IRX1: variants seen among roughly 807,000 people sequenced by gnomAD.
The protein encoded by IRX1 is iroquois homeobox 1.
Under a neutral mutation model 34.1 loss-of-function variants are expected in IRX1, and 22 were observed. The observed-to-expected ratio is 0.64, with a 90% confidence interval of 0.46 to 0.92. The LOEUF (loss-of-function observed/expected upper bound fraction) is 0.92. Ranked by LOEUF, IRX1 falls within the 40% of genes least tolerant of loss-of-function variation. The pLI, the probability that IRX1 is intolerant of heterozygous loss-of-function variation, is 0.00. For missense variants in IRX1, 758 were observed against 680.0 expected (o/e 1.11, Z -1.28); for synonymous variants, 363 against 319.0 (o/e 1.14, Z -1.47).
At position 3,595,978 on chromosome 5, in the gene IRX1, G is replaced by T. The variant is rs989886681; in HGVS notation, c.-128G>T. ...TCCATCTCCCGGCCCGCCCGAGCGC[G>T]CCCGGCCGGCCGCCCGCTCCTCCCT... On this transcript the variant is annotated 5_prime_UTR_variant, in exon 1 of 4. Coordinates refer to ENST00000302006, the MANE Select transcript of IRX1 (RefSeq NM_024337.4). 4 of 492,392 alleles carry T rather than the reference G, an allele frequency of 8.1e-6. No individual in the cohort carries two copies. Among genetic ancestry groups the T allele is most frequent in the Non-Finnish European group, 1.1e-5 (4 of 377,914 alleles). 30.5% of individuals were successfully genotyped at this position (492,392 alleles called of 1,614,324 possible).
chr5:3,599,746 C>T lies in IRX1; in HGVS notation c.798C>T (p.Gly266=), dbSNP rs777020388. ...CTTCTGCTCTTGCCCGGGACCAAGG[C>T]TCGCCGCTGGCAGCAGCCGACGTTC... The part of the protein sequence containing the change: ...AAPSALARDQ[G]SPLAAADVLK... Residue 266 remains glycine (G), a synonymous_variant, in exon 2 of 4, where the codon GGC becomes GGT. Coordinates refer to ENST00000302006, the MANE Select transcript of IRX1 (RefSeq NM_024337.4). This position sits in a 1 kb window ranked among gnomAD's most constrained non-coding sequence, Gnocchi z 6.6. The T allele has an allele frequency of 1.2e-6, 2 of 1,611,034 alleles. No individual in the cohort carries two copies. The highest frequency in any genetic ancestry group is 1.7e-5 in the Admixed American group (1 of 59,906).
intron 3 of IRX1, 25 bp from the exon 4 acceptor site, chr5:3,600,958 T>G (rs777816930): frequency 6.2e-7 from 1 of 1,612,702 alleles, no homozygotes; most frequent in South Asian, 1.1e-5. Flanking sequence ...CCCTGTCTTC[T>G]TGTCTCGCTG....
chr5:3,598,552 T>A (rs1458570987), intron 1 of IRX1, among the ~76,000 whole-genome samples: 1 of 152,208 alleles, frequency 6.6e-6, no homozygotes, highest in Non-Finnish European at 1.5e-5. Context: ...TTGTTGTCGA[T>A]GATGGCCGGG....
At chr5:3,600,773 T>A in intron 3 of IRX1, 92 bp downstream of exon 3, 3 of 1,275,212 alleles carry the variant, frequency 2.4e-6, no homozygotes, top group Non-Finnish European at 3.4e-6. Flanking sequence ...TGGGTGGCGG[T>A]GGGGGTCGCG....
In IRX1 at chr5:3,599,139, T is replaced by C. The variant is rs1733872467; in HGVS notation, c.277-86T>C. On this transcript the variant is annotated intron_variant, in intron 1 of 3. Coordinates refer to ENST00000302006, the MANE Select transcript of IRX1 (RefSeq NM_024337.4). The surrounding 1 kb of genome is among the most constrained non-coding windows in gnomAD (Gnocchi z 6.6). The stretch of plus-strand genomic sequence containing the variant: ...GCGGCTGCTTCCCACTCTCCCGTCT[T>C]GGGGACTCATGTCTCTCTCTCTCTC... 1.9e-5 allele frequency: 26 copies of C among 1,381,602 alleles called. 1 individual carries two copies. The South Asian group carries it at 3.4e-4, about 18-fold the overall frequency. The allele number at this position is 1,381,602 out of a possible 1,614,324, so 85.6% of individuals were successfully genotyped here. A position where few individuals can be genotyped will look rare whatever the true frequency, so the allele number is the denominator to read the frequency against.
At position 3,600,173 on chromosome 5, in the gene IRX1, C is replaced by A. The variant is rs770023087; in HGVS notation, c.1225C>A (p.Pro409Thr). The part of the protein sequence containing the change: ...AAPHGPHLPA[P>T]PPPQPPVAIA... ...GCCCCATGGCCCTCACCTTCCTGCACCTCCACCACCGCAGCCGCCGGTCGC... is the reference window on the plus strand; with the variant it reads ...GCCCCATGGCCCTCACCTTCCTGCAACTCCACCACCGCAGCCGCCGGTCGC... The change falls in exon 2 of 4, where the codon CCT becomes ACT. Residue 409 changes from proline to threonine, a missense_variant. Coordinates refer to ENST00000302006, the MANE Select transcript of IRX1 (RefSeq NM_024337.4). 6 of 1,612,598 alleles carry A rather than the reference C, an allele frequency of 3.7e-6. No homozygotes were observed. The highest frequency in any genetic ancestry group is 1.7e-4 in the Middle Eastern group (1 of 6,060).
At chr5:3,598,674 C>A (rs986128638) in intron 1 of IRX1, among the ~76,000 whole-genome samples, 3 of 152,120 alleles carry the variant, frequency 2.0e-5, no homozygotes, top group Non-Finnish European at 4.4e-5. Context: ...AAATTGCTGG[C>A]GGATTTAGAC....
In IRX1 at chr5:3,601,002, G is replaced by A. The variant is rs1033391089; in HGVS notation, c.1405G>A (p.Gly469Arg). 3.1e-6 allele frequency: 5 copies of A among 1,613,152 alleles called. No homozygotes were observed. In the Admixed American group the frequency reaches 6.7e-5, roughly 22 times the overall value. Residue 469 changes from glycine to arginine, a missense_variant, in exon 4 of 4, where the codon GGA becomes AGA. Gly to Arg is a moderately radical substitution (Grantham distance 125). Coordinates refer to ENST00000302006, the MANE Select transcript of IRX1 (RefSeq NM_024337.4). ...VRDNSLAPQE[G>R]TPRILAALPS... is the part of the protein sequence containing the mutation. Reference sequence around the variant, plus strand: ...ATGCAGCTCTCTGGCCCCGCAGGAGGGAACGCCGCGGATCCTAGCAGCCCT... The same window carrying A: ...ATGCAGCTCTCTGGCCCCGCAGGAGAGAACGCCGCGGATCCTAGCAGCCCT...
Position 3,600,088 on chromosome 5 carries a change from C to A in IRX1, c.1140C>A (p.Leu380=). 1 of 1,613,000 alleles carries A rather than the reference C, an allele frequency of 6.2e-7. No individual in the cohort carries two copies. Among genetic ancestry groups the A allele is most frequent in the Non-Finnish European group, 8.5e-7 (1 of 1,179,724 alleles). ...CCAACTGGACCAACAGCGCATTCCTCGCACAGGGCTCCCTGCTCAACATGC... is the reference window on the plus strand; with the variant it reads ...CCAACTGGACCAACAGCGCATTCCTAGCACAGGGCTCCCTGCTCAACATGC... ...KFSNWTNSAF[L]AQGSLLNMRS... Residue 380 remains leucine (L), a synonymous_variant, in exon 2 of 4, where the codon CTC becomes CTA. Coordinates refer to ENST00000302006, the MANE Select transcript of IRX1 (RefSeq NM_024337.4).
At position 3,599,527 on chromosome 5, in the gene IRX1, G is replaced by C; in HGVS notation, c.579G>C (p.Trp193Cys). ...RRLKKENKVT[W>C]GARSKDQEDG... Reference sequence around the variant, plus strand: ...TCAAGAAGGAGAACAAGGTGACATGGGGAGCGCGCAGCAAGGACCAGGAAG... The same window carrying C: ...TCAAGAAGGAGAACAAGGTGACATGCGGAGCGCGCAGCAAGGACCAGGAAG... The change falls in exon 2 of 4, where the codon TGG becomes TGC. Residue 193 changes from tryptophan to cysteine, a missense_variant. Trp to Cys is a radical substitution (Grantham distance 215). Coordinates refer to ENST00000302006, the MANE Select transcript of IRX1 (RefSeq NM_024337.4). The surrounding 1 kb of genome is among the most constrained non-coding windows in gnomAD (Gnocchi z 6.6). 2 of 1,614,190 alleles carry C rather than the reference G, an allele frequency of 1.2e-6. No individual in the cohort carries two copies. Among genetic ancestry groups the C allele is most frequent in the Non-Finnish European group, 1.7e-6 (2 of 1,180,028 alleles).
chr5:3,599,906 GC>G lies in IRX1; in HGVS notation c.959del (p.Ala320GlyfsTer133). 1 of 1,475,226 alleles carries G rather than the reference GC, an allele frequency of 6.8e-7. No homozygotes were observed. The highest frequency in any genetic ancestry group is 9.0e-7 in the Non-Finnish European group (1 of 1,113,438). 91.4% of individuals were successfully genotyped at this position (1,475,226 alleles called of 1,614,324 possible). On this transcript the variant is annotated frameshift_variant, in exon 2 of 4. Transcript: ENST00000302006. LOFTEE classifies it high-confidence loss of function. The surrounding 1 kb of genome is among the most constrained non-coding windows in gnomAD (Gnocchi z 6.6). ...PHGKPKIWSL[A>X]ETATSPDGAP... is the part of the protein sequence containing the mutation. ...CGGCAAGCCCAAGATCTGGTCGCTG[GC>G]GGAGACAGCCACGAGCCCCGACGGT...
intron 1 of IRX1, among the ~76,000 whole-genome samples, chr5:3,598,024 A>C (rs538241471): frequency 2.0e-5 from 3 of 152,104 alleles, no homozygotes; most frequent in Admixed American, 1.3e-4. Flanking sequence ...TGTTTTTCCC[A>C]CCTAGAGGGA....
chr5:3,599,707 C>T lies in IRX1; in HGVS notation c.759C>T (p.His253=), dbSNP rs1013534420. 4.0e-5 allele frequency: 65 copies of T among 1,612,830 alleles called. No homozygotes were observed. Among genetic ancestry groups the T allele is most frequent in the Non-Finnish European group, 2.5e-5 (30 of 1,179,998 alleles). ...ACGAGGACAAGGCCGAGGCTCCGCACGCGCCCGCAGCCCCTTCTGCTCTTG... is the reference window on the plus strand; with the variant it reads ...ACGAGGACAAGGCCGAGGCTCCGCATGCGCCCGCAGCCCCTTCTGCTCTTG... ...EDDEDKAEAP[H]APAAPSALAR... Residue 253 remains histidine, a synonymous_variant, in exon 2 of 4, where the codon CAC becomes CAT. Coordinates refer to ENST00000302006, the MANE Select transcript of IRX1 (RefSeq NM_024337.4). The surrounding 1 kb of genome is among the most constrained non-coding windows in gnomAD (Gnocchi z 6.6).
In IRX1 at chr5:3,599,303, C is replaced by T. The variant is rs747449090; in HGVS notation, c.355C>T (p.Pro119Ser). ...AGCCCACACGGCGCCGGCTTATTAC[C>T]CCTACGGCCAGTTCCAATACGGGGA... ...FAAHTAPAYYPYGQFQYGDPG... is the reference protein window; with the variant it reads ...FAAHTAPAYYSYGQFQYGDPG... Residue 119 changes from proline to serine, a missense_variant, in exon 2 of 4, where the codon CCC becomes TCC. Coordinates refer to ENST00000302006, the MANE Select transcript of IRX1 (RefSeq NM_024337.4). The surrounding 1 kb of genome is among the most constrained non-coding windows in gnomAD (Gnocchi z 6.6). 1.9e-6 allele frequency: 3 copies of T among 1,613,966 alleles called. No homozygotes were observed. The highest frequency in any genetic ancestry group is 2.2e-5 in the East Asian group (1 of 44,864).
chr5:3,599,803 A>G lies in IRX1; in HGVS notation c.855A>G (p.Ala285=). The part of the protein sequence containing the change: ...LKPQDSPLGL[A]KEAPEPGSTR... ...CCCAGGACTCGCCCTTGGGCCTGGC[A>G]AAGGAGGCCCCAGAGCCGGGCAGCA... Residue 285 remains alanine (A), a synonymous_variant, in exon 2 of 4, where the codon GCA becomes GCG. Transcript: ENST00000302006. This position sits in a 1 kb window ranked among gnomAD's most constrained non-coding sequence, Gnocchi z 6.6. 1 of 1,592,808 alleles carries G rather than the reference A, an allele frequency of 6.3e-7. No individual in the cohort carries two copies. The highest frequency in any genetic ancestry group is 8.5e-7 in the Non-Finnish European group (1 of 1,170,908).
At position 3,600,912 on chromosome 5, in the gene IRX1, G is replaced by A. The variant is rs190032738; in HGVS notation, c.1386-71G>A. 1.9e-3 allele frequency: 2,875 copies of A among 1,499,206 alleles called. 31 individuals are homozygous for A. In the East Asian group the frequency reaches 0.02, roughly 10 times the overall value. The allele number at this position is 1,499,206 out of a possible 1,614,324, so 92.9% of individuals were successfully genotyped here. A position where few individuals can be genotyped will look rare whatever the true frequency, so the allele number is the denominator to read the frequency against. On this transcript the variant is annotated intron_variant, in intron 3 of 3. Coordinates refer to ENST00000302006, the MANE Select transcript of IRX1 (RefSeq NM_024337.4). ...CCCCCAGGGCTCCGCTACTGGAACC[G>A]GCGTCGCCCGGCGCTGCGTCCCCCA...
chr5:3,600,528 G>T (rs1308412016), intron 2 of IRX1, 81 bp from the exon 3 acceptor site: 20 of 1,318,194 alleles, frequency 1.5e-5, no homozygotes, highest in East Asian at 4.7e-5. Context: ...TGGGCAGCCG[G>T]CAGAAGTTGG....
chr5:3,599,625 A>G lies in IRX1; in HGVS notation c.677A>G (p.Glu226Gly). The G allele has an allele frequency of 6.2e-7, 1 of 1,613,940 alleles. No individual in the cohort carries two copies. Among genetic ancestry groups the G allele is most frequent in the Non-Finnish European group, 8.5e-7 (1 of 1,180,028 alleles). ...KAEDDEEIDL[E>G]SIDIDKIDEH... ...GAGGACGACGAGGAGATCGACCTGGAAAGCATCGACATTGACAAGATCGAC... is the reference window on the plus strand; with the variant it reads ...GAGGACGACGAGGAGATCGACCTGGGAAGCATCGACATTGACAAGATCGAC... The change falls in exon 2 of 4, where the codon GAA becomes GGA. Residue 226 changes from glutamate (E) to glycine (G), a missense_variant. Physicochemically the swap from Glu to Gly is moderately conservative, Grantham distance 98. Around this residue, in one of 3 missense-constraint regions of IRX1, gnomAD observed 529 missense variants for 418.8 expected, o/e 1.26. Coordinates refer to ENST00000302006, the MANE Select transcript of IRX1 (RefSeq NM_024337.4). The surrounding 1 kb of genome is among the most constrained non-coding windows in gnomAD (Gnocchi z 6.6).
At position 3,599,393 on chromosome 5, in the gene IRX1, C is replaced by T; in HGVS notation, c.445C>T (p.His149Tyr). Reference protein sequence around the residue: ...TSTLKAWLNEHRKNPYPTKGE... With the variant: ...TSTLKAWLNEYRKNPYPTKGE... ...CACGCTCAAGGCCTGGCTCAACGAG[C>T]ACCGCAAGAATCCCTACCCCACCAA... is the stretch of plus-strand genomic sequence containing the variant. Residue 149 changes from histidine (H) to tyrosine (Y), a missense_variant, in exon 2 of 4, where the codon CAC becomes TAC. Physicochemically the swap from His to Tyr is moderately conservative, Grantham distance 83. Transcript: ENST00000302006. The surrounding 1 kb of genome is among the most constrained non-coding windows in gnomAD (Gnocchi z 6.6). 2 of 1,614,104 alleles carry T rather than the reference C, an allele frequency of 1.2e-6. No homozygotes were observed. Among genetic ancestry groups the T allele is most frequent in the Non-Finnish European group, 1.7e-6 (2 of 1,180,030 alleles).
Sources: gnomAD v4.1 joint callset for allele counts (sites outside exome capture counted in the v4.1 genomes callset) on GRCh38, gnomAD v4.1.1 for gene constraint, gnomAD v4.1.1 regional missense constraint, Gnocchi (gnomAD v3.1) non-coding constraint, MANE v1.5 for transcripts, NCBI Gene and HGNC (gene_info 2026-07-23, HGNC 2026-07-21) for gene names.